Variants in ALCAM observed in about 807,000 individuals in gnomAD.
The protein encoded by ALCAM is CD166 antigen.
ALCAM carries 30 observed loss-of-function variants against 70.9 expected under a neutral mutation model. The ratio of observed to expected loss-of-function variants is 0.42; its 90% CI spans 0.32 to 0.57. The LOEUF (loss-of-function observed/expected upper bound fraction) is 0.57, where lower values mean the gene tolerates loss of function less well. Among genes scored for constraint, ALCAM ranks in the 20% least tolerant of loss-of-function variants. ALCAM has a pLI of 0.11. For synonymous variants in ALCAM, 249 were observed against 242.5 expected, an observed-to-expected ratio of 1.03 and a Z score of -0.25; for missense variants, 591 against 695.1, an observed-to-expected ratio of 0.85 and a Z score of 1.68.
intron 1 of ALCAM, among the ~76,000 whole-genome samples, chr3:105,456,843 C>T (rs749692323): frequency 6.6e-5 from 10 of 151,956 alleles, no homozygotes; most frequent in Non-Finnish European, 1.3e-4. Context: ...AAAAAAAAAC[C>T]CTCTAGTTAG....
intron 1 of ALCAM, among the ~76,000 whole-genome samples, chr3:105,493,990 C>T (rs539083512): frequency 1.4e-4 from 22 of 152,242 alleles, no homozygotes; most frequent in African/African-American, 4.6e-4. Context: ...AGCCAGCATA[C>T]GACCCCAGGA....
intron 6 of ALCAM, among the ~76,000 whole-genome samples, chr3:105,535,669 T>TTTA (rs1364407739): frequency 6.6e-6 from 1 of 152,012 alleles, no homozygotes; most frequent in East Asian, 1.9e-4. Context: ...TATTAAGTAC[T>TTTA]TTATTATTAT....
intron 1 of ALCAM, among the ~76,000 whole-genome samples, chr3:105,416,282 T>C (rs940038302): frequency 6.6e-6 from 1 of 152,048 alleles, no homozygotes; most frequent in Non-Finnish European, 1.5e-5. Flanking sequence ...GCTGTGTTTT[T>C]CCAAATGTAA....
chr3:105,405,277 C>CAAAAAAAAA (rs35101188), intron 1 of ALCAM, among the ~76,000 whole-genome samples: 17 of 65,268 alleles, frequency 2.6e-4, no homozygotes, highest in East Asian at 7.1e-4. Context: ...AACTTCGTCT[C>CAAAAAAAAA]AAAAAAAAAA....
chr3:105,414,738 A>G (rs765444933), intron 1 of ALCAM, among the ~76,000 whole-genome samples: 31 of 152,150 alleles, frequency 2.0e-4, no homozygotes, highest in Non-Finnish European at 3.5e-4. Context: ...TTTTAAAAGC[A>G]TAACTTATAA....
At chr3:105,498,899 T>C (rs556160063) in intron 1 of ALCAM, among the ~76,000 whole-genome samples, 1 of 152,322 alleles carries the variant, frequency 6.6e-6, no homozygotes, top group Non-Finnish European at 1.5e-5. Context: ...TAGATTTAGT[T>C]CCATCACGAA....
chr3:105,444,512 A>G (rs761626140), intron 1 of ALCAM, among the ~76,000 whole-genome samples: 3 of 152,146 alleles, frequency 2.0e-5, no homozygotes, highest in Non-Finnish European at 4.4e-5. Context: ...GGGGATTACA[A>G]TTTGCAGTGA....
chr3:105,542,834 G>A (rs1443284932), intron 8 of ALCAM, among the ~76,000 whole-genome samples: 2 of 151,746 alleles, frequency 1.3e-5, no homozygotes, highest in East Asian at 3.9e-4. Flanking sequence ...TGTAAAAATA[G>A]TGGACTGTTA....
chr3:105,373,418 A>T (rs1321042475), intron 1 of ALCAM, among the ~76,000 whole-genome samples: 1 of 152,198 alleles, frequency 6.6e-6, no homozygotes, highest in Non-Finnish European at 1.5e-5. Context: ...GAGGGAGATA[A>T]ATCTCAAAGA....
intron 1 of ALCAM, among the ~76,000 whole-genome samples, chr3:105,382,872 G>T (rs1420316197): frequency 6.6e-6 from 1 of 151,706 alleles, no homozygotes. Flanking sequence ...TCTTATAACT[G>T]CTCTGCTTCA....
chr3:105,408,732 G>A (rs12496827), intron 1 of ALCAM, among the ~76,000 whole-genome samples: 39,639 of 152,026 alleles, frequency 0.26, 5,644 homozygotes, highest in Admixed American at 0.45. Flanking sequence ...CTTTTGCACA[G>A]CAAAAGGAAC....
At chr3:105,506,540 G>T (rs1939083278) in intron 1 of ALCAM, among the ~76,000 whole-genome samples, 1 of 152,302 alleles carries the variant, frequency 6.6e-6, no homozygotes, top group African/African-American at 2.4e-5. Context: ...CTGAAGCCCT[G>T]CTAGGACTCT....
intron 14 of ALCAM, among the ~76,000 whole-genome samples, chr3:105,568,595 G>A (rs1940795666): frequency 6.6e-6 from 1 of 152,074 alleles, no homozygotes; most frequent in African/African-American, 2.4e-5. Context: ...CTATTCAGGG[G>A]GTCATCCAAG....
intron 1 of ALCAM, among the ~76,000 whole-genome samples, chr3:105,416,932 A>G (rs934001800): frequency 1.3e-5 from 2 of 151,960 alleles, no homozygotes; most frequent in East Asian, 1.9e-4. Flanking sequence ...TGATCATGTT[A>G]CCTCTTACTT....
intron 3 of ALCAM, among the ~76,000 whole-genome samples, chr3:105,531,061 A>C (rs1374199564): frequency 6.6e-6 from 1 of 152,104 alleles, no homozygotes; most frequent in Non-Finnish European, 1.5e-5. Context: ...AGAAAATAGA[A>C]TAATTTTGGT....
intron 1 of ALCAM, among the ~76,000 whole-genome samples, chr3:105,376,034 A>C (rs996403341): frequency 1.3e-5 from 2 of 152,094 alleles, no homozygotes; most frequent in African/African-American, 4.8e-5. Context: ...CGAAAACCTT[A>C]ACTCTCTCCA....
intron 1 of ALCAM, among the ~76,000 whole-genome samples, chr3:105,368,858 A>G (rs555037477): frequency 5.2e-4 from 79 of 151,974 alleles, no homozygotes; most frequent in African/African-American, 1.8e-3. Flanking sequence ...AGGCTGAGGG[A>G]AAAAAAAGGC....
At chr3:105,511,223 C>A (rs967482352) in intron 1 of ALCAM, among the ~76,000 whole-genome samples, 5 of 152,008 alleles carry the variant, frequency 3.3e-5, no homozygotes, top group African/African-American at 1.2e-4. Flanking sequence ...CCATTGTGGG[C>A]AAGCTACAAT....
chr3:105,490,997 C>T (rs1223870519), intron 1 of ALCAM, among the ~76,000 whole-genome samples: 1 of 152,176 alleles, frequency 6.6e-6, no homozygotes, highest in Non-Finnish European at 1.5e-5. Context: ...CCATGAAGGC[C>T]CCACCCTTGC....
Sources: allele counts gnomAD v4.1 joint callset (sites outside exome capture counted in the v4.1 genomes callset), GRCh38; gene constraint gnomAD v4.1.1; transcripts MANE v1.5; gene names NCBI Gene and HGNC (gene_info 2026-07-23, HGNC 2026-07-21).